Variants in EFHB observed in about 807,000 individuals in gnomAD.
EFHB encodes the protein EF-hand domain-containing family member B.
Under a neutral mutation model 87.2 loss-of-function variants are expected in EFHB, and 91 were observed. The observed-to-expected ratio is 1.04, with a 90% CI of 0.88 to 1.24. The LOEUF (loss-of-function observed/expected upper bound fraction) is 1.24, where lower values mean the gene tolerates loss of function less well. Among genes scored for constraint, EFHB ranks in the 50% most tolerant of loss-of-function variants. The pLI is 0.00. For missense variants in EFHB, 1,084 were observed against 998.8 expected, an observed-to-expected ratio of 1.09 and a Z score of -1.15; for synonymous variants, 325 against 333.6, an observed-to-expected ratio of 0.97 and a Z score of 0.28.
chr3:19,897,779 G>A (rs555743245), intron 8 of EFHB, among the ~76,000 whole-genome samples: 1 of 152,202 alleles, frequency 6.6e-6, no homozygotes, highest in South Asian at 2.1e-4. Flanking sequence ...CTCTAAGATG[G>A]ATAGGCATCC....
intron 5 of EFHB, among the ~76,000 whole-genome samples, chr3:19,908,056 T>C (rs997957096): frequency 6.6e-6 from 1 of 152,142 alleles, no homozygotes; most frequent in Admixed American, 6.5e-5. Context: ...GCCAATCACA[T>C]TTACAAAGGT....
intron 1 of EFHB, chr3:19,940,482 CT>C (rs1230647993): frequency 6.0e-6 from 3 of 503,670 alleles, no homozygotes; most frequent in Non-Finnish European, 1.2e-5. Context: ...CAAGAATCTT[CT>C]GTTTGTCTTC....
intron 1 of EFHB, among the ~76,000 whole-genome samples, chr3:19,944,400 C>G (rs1171318653): frequency 6.6e-6 from 1 of 152,120 alleles, no homozygotes; most frequent in Non-Finnish European, 1.5e-5. Flanking sequence ...CATTTTGTAC[C>G]TTCCTTAACA....
At chr3:19,924,728 T>C (rs913499399) in intron 1 of EFHB, among the ~76,000 whole-genome samples, 2 of 152,230 alleles carry the variant, frequency 1.3e-5, no homozygotes, top group Non-Finnish European at 2.9e-5. Context: ...CATGTTCATA[T>C]TGTACTTGCC....
intron 1 of EFHB, among the ~76,000 whole-genome samples, 200 bp downstream of exon 1, chr3:19,933,030 C>T (rs1265829735): frequency 6.6e-6 from 1 of 152,168 alleles, no homozygotes. Context: ...GAAAACAAAG[C>T]TGACATCTAG....
chr3:19,908,330 C>T (rs1440051979), intron 5 of EFHB, among the ~76,000 whole-genome samples: 4 of 151,926 alleles, frequency 2.6e-5, no homozygotes, highest in Non-Finnish European at 5.9e-5. Context: ...ATTAGAAGTT[C>T]GAGACCAGCC....
upstream of EFHB, chr3:19,934,319 C>CAA: frequency 1.9e-6 from 2 of 1,031,870 alleles, no homozygotes; most frequent in South Asian, 2.5e-5. Context: ...CTCTCTCAAT[C>CAA]TCTCTCTCTC....
At chr3:19,919,091 C>T (rs572420026) in intron 3 of EFHB, among the ~76,000 whole-genome samples, 2 of 152,172 alleles carry the variant, frequency 1.3e-5, no homozygotes, top group East Asian at 1.9e-4. Flanking sequence ...CTAGACTGTG[C>T]ATTCAATCAA....
intron 6 of EFHB, among the ~76,000 whole-genome samples, chr3:19,900,586 C>G (rs796462527): frequency 9.2e-5 from 14 of 152,234 alleles, no homozygotes; most frequent in African/African-American, 3.1e-4. Flanking sequence ...GCCCTTTTAT[C>G]CACATCTGGG....
intron 9 of EFHB, 50 bp downstream of exon 9, chr3:19,896,637 T>C (rs751835029): frequency 1.2e-6 from 2 of 1,613,140 alleles, no homozygotes; most frequent in East Asian, 4.5e-5. Flanking sequence ...ACCAAACTGC[T>C]GGGATCTGTA....
Position 19,915,379 on chromosome 3 carries a change from T to C in EFHB, c.1212A>G (p.Lys404=), listed in dbSNP as rs761452995. The C allele has an allele frequency of 3.7e-6, 6 of 1,612,618 alleles. No homozygotes were observed. The African/African-American group carries it at 5.3e-5, about 14-fold the overall frequency. Residue 404 remains lysine (K), a synonymous_variant, in exon 5 of 13, where the codon AAA becomes AAG. Coordinates refer to ENST00000295824, the MANE Select transcript of EFHB (RefSeq NM_144715.4). ...CTTCTTTAAATACTTCTTCATAGGATTTTGGTGGATTCACCACATCTTTAG... is the reference window on the plus strand; with the variant it reads ...CTTCTTTAAATACTTCTTCATAGGACTTTGGTGGATTCACCACATCTTTAG... ...YSAKDVVNPP[K]SYEEVFKEGN...
At position 19,919,804 on chromosome 3, in the gene EFHB, T is replaced by G. The variant is rs544155915; in HGVS notation, c.996+29A>C. 5.5e-5 allele frequency: 88 copies of G among 1,593,516 alleles called. No homozygotes were observed. In the Admixed American group the frequency reaches 1.5e-3, roughly 27 times the overall value. Reference sequence around the variant, plus strand: ...CATTTTCACCTTGGTAAATTAATAATGTACAAGGAAAAAAAGAAAATAACT... The same window carrying G: ...CATTTTCACCTTGGTAAATTAATAAGGTACAAGGAAAAAAAGAAAATAACT... On this transcript the variant is annotated intron_variant, in intron 3 of 12. Transcript: ENST00000295824.
intron 6 of EFHB, among the ~76,000 whole-genome samples, chr3:19,902,366 GT>G (rs1694701260): frequency 6.6e-6 from 1 of 151,900 alleles, no homozygotes; most frequent in Non-Finnish European, 1.5e-5. Context: ...TTTTGTTTTT[GT>G]TTTTTGAGAC....
At chr3:19,936,342 A>AAAC, upstream of EFHB, 1 of 549,542 alleles carries the variant, frequency 1.8e-6, no homozygotes. Flanking sequence ...AGACTGAAAA[A>AAAC]AAAAAAAGTC....
intron 1 of EFHB, chr3:19,946,214 T>A (rs1332158194): frequency 6.6e-6 from 1 of 152,218 alleles, no homozygotes; most frequent in Non-Finnish European, 1.5e-5. Flanking sequence ...AGCCGTGATC[T>A]CGGACAAGTT....
chr3:19,927,843 G>T (rs1197086347), intron 1 of EFHB, among the ~76,000 whole-genome samples: 2 of 151,874 alleles, frequency 1.3e-5, no homozygotes, highest in Non-Finnish European at 2.9e-5. Flanking sequence ...GTTAGGGATT[G>T]CCTTCTCTTC....
At chr3:19,906,464 A>G (rs150458329) in intron 5 of EFHB, among the ~76,000 whole-genome samples, 221 of 152,360 alleles carry the variant, frequency 1.5e-3, no homozygotes, top group African/African-American at 5.1e-3. Flanking sequence ...AATTTATGAT[A>G]GCATAAAAAA....
chr3:19,894,244 G>T (rs1489739323), intron 9 of EFHB, among the ~76,000 whole-genome samples: 2 of 152,110 alleles, frequency 1.3e-5, no homozygotes, highest in Non-Finnish European at 2.9e-5. Flanking sequence ...GCTTTCCATG[G>T]TGTTCATACT....
At chr3:19,940,868 C>A in intron 1 of EFHB, 1 of 362,222 alleles carries the variant, frequency 2.8e-6, no homozygotes, top group South Asian at 2.6e-5. Context: ...CCTGAATAAG[C>A]ACATCAGGCT....
Sources: allele counts gnomAD v4.1 joint callset (sites outside exome capture counted in the v4.1 genomes callset), GRCh38; gene constraint gnomAD v4.1.1; transcripts MANE v1.5; gene names NCBI Gene and HGNC (gene_info 2026-07-23, HGNC 2026-07-21).